The following FAM81B variants were observed in gnomAD, a reference collection of about 807,000 sequenced individuals.
The protein encoded by FAM81B is family with sequence similarity 81 member B.
A neutral mutation model predicts 58.7 loss-of-function variants in FAM81B; 60 were observed. That is an observed-to-expected ratio of 1.02 (90% CI 0.83 to 1.27). The LOEUF (loss-of-function observed/expected upper bound fraction) is 1.27, where lower values mean the gene tolerates loss of function less well. Among genes scored for constraint, FAM81B ranks in the 50% most tolerant of loss-of-function variants. The pLI is 0.00. For missense variants in FAM81B, 491 were observed against 522.0 expected, an observed-to-expected ratio of 0.94 and a Z score of 0.58; for synonymous variants, 189 against 179.6, an observed-to-expected ratio of 1.05 and a Z score of -0.42.
At chr5:95,431,291 T>A (rs1744878359) in intron 6 of FAM81B, among the ~76,000 whole-genome samples, 1 of 152,126 alleles carries the variant, frequency 6.6e-6, no homozygotes, top group Non-Finnish European at 1.5e-5. Flanking sequence ...CTTTCATGGC[T>A]TTGTTGTTTA....
intron 3 of FAM81B, among the ~76,000 whole-genome samples, chr5:95,398,143 G>T (rs1762009875): frequency 6.6e-6 from 1 of 152,178 alleles, no homozygotes; most frequent in Admixed American, 6.5e-5. Flanking sequence ...CACTGGCCAG[G>T]CACAGTGGCT....
chr5:95,427,700 A>G (rs1762885197), intron 5 of FAM81B, among the ~76,000 whole-genome samples: 1 of 152,260 alleles, frequency 6.6e-6, no homozygotes, highest in South Asian at 2.1e-4. Context: ...GTTATTTTAT[A>G]AAAGTGACAA....
chr5:95,414,302 G>T, intron 4 of FAM81B, 112 bp downstream of exon 4: 1 of 1,197,152 alleles, frequency 8.4e-7, no homozygotes, highest in Non-Finnish European at 1.2e-6. Context: ...TATCACTATT[G>T]CTTAAGTTTA....
At chr5:95,408,690 G>A (rs756641498) in intron 3 of FAM81B, among the ~76,000 whole-genome samples, 2 of 152,102 alleles carry the variant, frequency 1.3e-5, no homozygotes, top group Non-Finnish European at 2.9e-5. Context: ...TTTTATTATC[G>A]TTAAAAACAG....
chr5:95,443,263 G>C (rs899098385), intron 7 of FAM81B, among the ~76,000 whole-genome samples: 1 of 151,664 alleles, frequency 6.6e-6, no homozygotes, highest in Admixed American at 6.6e-5. Flanking sequence ...TCTTCACTCA[G>C]CTTTCCTTCA....
intron 3 of FAM81B, among the ~76,000 whole-genome samples, chr5:95,399,605 C>T (rs1362027133): frequency 6.6e-6 from 1 of 152,090 alleles, no homozygotes; most frequent in African/African-American, 2.4e-5. Context: ...ATGATCAGTC[C>T]CTCCTAAGAG....
chr5:95,442,357 A>T (rs1745394313), intron 7 of FAM81B, among the ~76,000 whole-genome samples: 1 of 152,160 alleles, frequency 6.6e-6, no homozygotes, highest in Non-Finnish European at 1.5e-5. Flanking sequence ...AGTAATCGTC[A>T]TTTATGAATG....
chr5:95,399,487 C>T (rs1364426992), intron 3 of FAM81B, among the ~76,000 whole-genome samples: 1 of 151,922 alleles, frequency 6.6e-6, no homozygotes, highest in Non-Finnish European at 1.5e-5. Flanking sequence ...CATGCCCCCC[C>T]CCACCCACCT....
chr5:95,439,236 G>GTATATATATATATA (rs577076287), intron 7 of FAM81B, among the ~76,000 whole-genome samples: 3,042 of 104,702 alleles, frequency 0.029, 112 homozygotes, highest in Middle Eastern at 0.043. Flanking sequence ...AGGTTAAAGA[G>GTATATATATATATA]TATATATATA....
chr5:95,433,098 G>C (rs1436903653), intron 6 of FAM81B, among the ~76,000 whole-genome samples: 1 of 152,030 alleles, frequency 6.6e-6, no homozygotes, highest in African/African-American at 2.4e-5. Flanking sequence ...ATTGCATGTG[G>C]TATTTTCCCT....
In FAM81B at chr5:95,414,090, C is replaced by T; in HGVS notation, c.437C>T (p.Thr146Ile). ...KEDISACLQGTHGFRKEESLA... is the reference protein window; with the variant it reads ...KEDISACLQGIHGFRKEESLA... ...GACATCTCTGCTTGCCTGCAGGGGA[C>T]CCATGGCTTTCGAAAAGAGGAATCG... Residue 146 changes from threonine (T) to isoleucine (I), a missense_variant, in exon 4 of 10, where the codon ACC becomes ATC. Physicochemically the swap from Thr to Ile is moderately conservative, Grantham distance 89. Coordinates refer to ENST00000283357, the MANE Select transcript of FAM81B (RefSeq NM_152548.3). 6.2e-7 allele frequency: 1 copy of T among 1,614,090 alleles called. No individual in the cohort carries two copies.
rs145700703 is a variant in FAM81B, at chr5:95,450,070, G to A, written c.1226-79G>A. 3.7e-3 allele frequency: 5,436 copies of A among 1,463,614 alleles called. 110 individuals are homozygous for A. In the Admixed American group the frequency reaches 0.065, roughly 17 times the overall value. The allele number at this position is 1,463,614 out of a possible 1,614,324, so 90.7% of individuals were successfully genotyped here. ...AATTAAATGATAATCAATTATGGCAGGACTGCCGATTAGCAACTTTTTTAA... is the reference window on the plus strand; with the variant it reads ...AATTAAATGATAATCAATTATGGCAAGACTGCCGATTAGCAACTTTTTTAA... On this transcript the variant is annotated intron_variant, in intron 9 of 9. Coordinates refer to ENST00000283357, the MANE Select transcript of FAM81B (RefSeq NM_152548.3).
intron 3 of FAM81B, among the ~76,000 whole-genome samples, chr5:95,399,123 G>A (rs920895747): frequency 2.0e-4 from 30 of 152,312 alleles, no homozygotes; most frequent in Admixed American, 1.8e-3. Context: ...GAAGATGAGG[G>A]TCTGGCTGAC....
At chr5:95,413,846 C>A in intron 3 of FAM81B, 101 bp from the exon 4 acceptor site, 13 of 1,488,862 alleles carry the variant, frequency 8.7e-6, no homozygotes, top group Non-Finnish European at 1.2e-5. Flanking sequence ...TCTCACAGGG[C>A]AAAAATAAAG....
chr5:95,423,944 C>T (rs926348630), intron 5 of FAM81B: 10 of 1,195,068 alleles, frequency 8.4e-6, no homozygotes, highest in African/African-American at 1.6e-5. Context: ...GGTGGGTCAT[C>T]GGAGAAAGAC....
intron 4 of FAM81B, among the ~76,000 whole-genome samples, chr5:95,416,556 T>C (rs1290854942): frequency 6.6e-6 from 1 of 152,090 alleles, no homozygotes; most frequent in Non-Finnish European, 1.5e-5. Context: ...AGGAAAAAAA[T>C]GTTTAAACTT....
chr5:95,404,793 G>A (rs1582788885), intron 3 of FAM81B, among the ~76,000 whole-genome samples: 1 of 152,328 alleles, frequency 6.6e-6, no homozygotes, highest in Admixed American at 6.5e-5. Context: ...TCTCATTCTA[G>A]TGATGGAGGA....
intron 4 of FAM81B, among the ~76,000 whole-genome samples, chr5:95,416,232 C>G (rs1762534910): frequency 6.6e-6 from 1 of 152,150 alleles, no homozygotes; most frequent in Non-Finnish European, 1.5e-5. Flanking sequence ...TTTAAAAGAA[C>G]CTAACCTCAT....
intron 2 of FAM81B, among the ~76,000 whole-genome samples, chr5:95,394,797 T>C (rs1761921108): frequency 6.6e-6 from 1 of 152,152 alleles, no homozygotes; most frequent in African/African-American, 2.4e-5. Context: ...AGGAGAGACT[T>C]TGTCAGGCGT....
Sources: allele counts gnomAD v4.1 joint callset (sites outside exome capture counted in the v4.1 genomes callset), GRCh38; gene constraint gnomAD v4.1.1; transcripts MANE v1.5; gene names NCBI Gene and HGNC (gene_info 2026-07-23, HGNC 2026-07-21).